Variants in SHANK1 observed in about 807,000 individuals in gnomAD.
The protein encoded by SHANK1 is SH3 and multiple ankyrin repeat domains 1.
A neutral mutation model predicts 165.6 loss-of-function variants in SHANK1; 35 were observed. The ratio of observed to expected loss-of-function variants is 0.21; its 90% confidence interval spans 0.16 to 0.28. SHANK1 has a LOEUF of 0.28. Ranked by LOEUF, SHANK1 falls within the 10% of genes least tolerant of loss-of-function variation. SHANK1 has a pLI of 1.00. For synonymous variants in SHANK1, 1,428 were observed against 1,384.8 expected, an observed-to-expected ratio of 1.03 and a Z score of -0.69; for missense variants, 2,681 against 3,036.4, an observed-to-expected ratio of 0.88 and a Z score of 2.75.
Position 50,659,711 on chromosome 19 carries a change from C to T in SHANK1, c.*2254G>A, listed in dbSNP as rs1985113280. 6.7e-6 allele frequency among the ~76,000 whole-genome samples: 1 copy of T among 148,972 alleles called. No homozygotes were observed. The highest frequency in any genetic ancestry group is 1.5e-5 in the Non-Finnish European group (1 of 67,286). On this transcript the variant is annotated 3_prime_UTR_variant, in exon 24 of 24. Transcript: ENST00000293441. ...TGTTCCTCTTTTTGCTTTTTCTCTC[C>T]TCTCCACCCCGCGCTGTCCCCGCAT...
chr19:50,686,868 G>A lies in SHANK1; in HGVS notation c.2390-56C>T, dbSNP rs896470914. On this transcript the variant is annotated intron_variant, in intron 19 of 23. Transcript: ENST00000293441. This position sits in a 1 kb window ranked among gnomAD's most constrained non-coding sequence, Gnocchi z 5.7. ...GGAGCCCCCGGGGGCGGGGCGGAGC[G>A]GGCTCGGCCTGTGGGCGTGGCCAGC... 5.6e-6 allele frequency: 9 copies of A among 1,600,440 alleles called. No homozygotes were observed. The highest frequency in any genetic ancestry group is 1.3e-5 in the African/African-American group (1 of 74,474).
rs767950625 is a variant in SHANK1 at position 50,716,770 on chromosome 19, G to T, written c.150C>A (p.Ser50Arg). ...CCTGGAGGCCTCTAACAGAGGCCAG[G>T]CTACCAGGTGCCCCACTGCCCTGGC... Reference protein sequence around the residue: ...TRGQGSGAPGSLASVRGLQGR... With the variant: ...TRGQGSGAPGRLASVRGLQGR... Residue 50 changes from serine (S) to arginine (R), a missense_variant, in exon 2 of 24, where the codon AGC becomes AGA. Ser to Arg is a moderately radical substitution (Grantham distance 110). Transcript: ENST00000293441. This position sits in a 1 kb window ranked among gnomAD's most constrained non-coding sequence, Gnocchi z 8.4. 1 of 1,607,874 alleles carries T rather than the reference G, an allele frequency of 6.2e-7. No homozygotes were observed. The highest frequency in any genetic ancestry group is 8.5e-7 in the Non-Finnish European group (1 of 1,177,148).
intron 15 of SHANK1, among the ~76,000 whole-genome samples, chr19:50,695,023 A>T (rs1986687106): frequency 1.4e-5 from 2 of 141,308 alleles, no homozygotes; most frequent in African/African-American, 5.2e-5. Flanking sequence ...CCCGCCGCCG[A>T]CCGCAGACAA....
Position 50,694,465 on chromosome 19 carries a change from C to T in SHANK1, c.1964+2631G>A, listed in dbSNP as rs1008925958. On this transcript the variant is annotated intron_variant, in intron 15 of 23. Coordinates refer to ENST00000293441, the MANE Select transcript of SHANK1 (RefSeq NM_016148.5). Reference sequence around the variant, plus strand: ...GATGTAGGCGGATGCGGGTAAGCCACGGTGGCTCCCCACAGGGAGGGCTCC... The same window carrying T: ...GATGTAGGCGGATGCGGGTAAGCCATGGTGGCTCCCCACAGGGAGGGCTCC... Among the ~76,000 whole-genome samples, 3 of 147,302 alleles carry T rather than the reference C, an allele frequency of 2.0e-5. No individual in the cohort carries two copies. In the Admixed American group the frequency reaches 2.0e-4, roughly 10 times the overall value.
At chr19:50,683,867 A>G (rs1986251048) in intron 21 of SHANK1, among the ~76,000 whole-genome samples, 1 of 152,218 alleles carries the variant, frequency 6.6e-6, no homozygotes, top group Non-Finnish European at 1.5e-5. Context: ...GAATCTGGGA[A>G]TCATGAGGGC....
intron 8 of SHANK1, among the ~76,000 whole-genome samples, chr19:50,708,095 C>T (rs2088967237): frequency 6.6e-6 from 1 of 151,800 alleles, no homozygotes; most frequent in African/African-American, 2.4e-5. Context: ...TACAGGTGCC[C>T]GCCACCATGC....
chr19:50,714,526 C>T (rs2089048259), intron 4 of SHANK1, among the ~76,000 whole-genome samples: 1 of 151,892 alleles, frequency 6.6e-6, no homozygotes, highest in African/African-American at 2.4e-5. Context: ...ACCCTTATCT[C>T]TACAAAAAAT....
Position 50,668,562 on chromosome 19 carries a change from G to A in SHANK1, c.3398C>T (p.Thr1133Met). ...CGGCGGCTGCGGGGAGGCCGGGGAC[G>A]TGGGCGACGGCGCGGGCGGGAGGCC... is the stretch of plus-strand genomic sequence containing the variant. Reference protein sequence around the residue: ...GGGLPPAPSPTSPASPQPPPA... With the variant: ...GGGLPPAPSPMSPASPQPPPA... The change falls in exon 23 of 24, where the codon ACG becomes ATG. Residue 1133 changes from threonine (T) to methionine (M), a missense_variant. Around this residue, in one of 10 missense-constraint regions of SHANK1, gnomAD observed 1,713 missense variants for 1,630.2 expected, o/e 1.05. Coordinates refer to ENST00000293441, the MANE Select transcript of SHANK1 (RefSeq NM_016148.5). The A allele has an allele frequency of 7.4e-7, 1 of 1,347,314 alleles. No individual in the cohort carries two copies. Among genetic ancestry groups the A allele is most frequent in the Non-Finnish European group, 9.5e-7 (1 of 1,048,272 alleles). 83.5% of individuals were successfully genotyped at this position (1,347,314 alleles called of 1,614,324 possible). A position where few individuals can be genotyped will look rare whatever the true frequency, so the allele number is the denominator to read the frequency against.
At chr19:50,665,423 C>G (rs899833635) in intron 23 of SHANK1, among the ~76,000 whole-genome samples, 1 of 151,624 alleles carries the variant, frequency 6.6e-6, no homozygotes, top group Non-Finnish European at 1.5e-5. Flanking sequence ...AAAAATTTGC[C>G]GGGCATGGTG....
At chr19:50,674,868 C>A (rs550560835) in intron 21 of SHANK1, among the ~76,000 whole-genome samples, 2 of 152,100 alleles carry the variant, frequency 1.3e-5, no homozygotes, top group South Asian at 4.1e-4. Flanking sequence ...TCGAAACCAG[C>A]CTGGCCAACA....
chr19:50,668,160 C>G lies in SHANK1; in HGVS notation c.3800G>C (p.Gly1267Ala). The G allele has an allele frequency of 6.8e-7, 1 of 1,461,834 alleles. No homozygotes were observed. The highest frequency in any genetic ancestry group is 9.0e-7 in the Non-Finnish European group (1 of 1,115,220). The allele number at this position is 1,461,834 out of a possible 1,614,324, so 90.6% of individuals were successfully genotyped here. ...FLSTDAGDED[G>A]GDGGLGTGAA... Reference sequence around the variant, plus strand: ...CCCTGTGCCCAGCCCGCCGTCCCCGCCGTCCTCGTCCCCCGCGTCGGTGGA... The same window carrying G: ...CCCTGTGCCCAGCCCGCCGTCCCCGGCGTCCTCGTCCCCCGCGTCGGTGGA... Residue 1267 changes from glycine to alanine, a missense_variant, in exon 23 of 24, where the codon GGC (glycine) becomes GCC (alanine). Physicochemically the swap from Gly to Ala is moderately conservative, Grantham distance 60. Transcript: ENST00000293441.
chr19:50,716,268 G>C lies in SHANK1; in HGVS notation c.459+7C>G. On this transcript the variant is annotated splice_region_variant and intron_variant, in intron 3 of 23. Coordinates refer to ENST00000293441, the MANE Select transcript of SHANK1 (RefSeq NM_016148.5). This position sits in a 1 kb window ranked among gnomAD's most constrained non-coding sequence, Gnocchi z 8.4. ...TCTTATCAGTGAAGGAGTTGGGGAA[G>C]CTTCACCTCCAGGTAGGGGACCCCC... 4 of 1,612,788 alleles carry C rather than the reference G, an allele frequency of 2.5e-6. No homozygotes were observed. Among genetic ancestry groups the C allele is most frequent in the Non-Finnish European group, 3.4e-6 (4 of 1,178,956 alleles).
At chr19:50,703,895 C>T (rs1288723404) in intron 10 of SHANK1, 65 bp from the exon 11 acceptor site, 22 of 677,786 alleles carry the variant, frequency 3.2e-5, no homozygotes, top group South Asian at 2.2e-4. Flanking sequence ...GGGGGCCATG[C>T]GGGGGCAAGA....
chr19:50,672,157 G>T, intron 21 of SHANK1, 43 bp from the exon 22 acceptor site: 2 of 1,489,810 alleles, frequency 1.3e-6, no homozygotes, highest in Non-Finnish European at 1.9e-6. Flanking sequence ...AAAAGATAGA[G>T]AGAGATCAGT....
rs74591763 is a variant in SHANK1, at chr19:50,687,682, A to C, written c.2309-20T>G. 1.5e-3 allele frequency: 2,241 copies of C among 1,468,810 alleles called. 76 individuals are homozygous for C. The East Asian group carries it at 0.053, about 35-fold the overall frequency. 91.0% of individuals were successfully genotyped at this position (1,468,810 alleles called of 1,614,324 possible). ...GGGGTGCTGAAAAGGTGATGAGGGGAGGCATCAGTATCATGGGGGAGATGC... is the reference window on the plus strand; with the variant it reads ...GGGGTGCTGAAAAGGTGATGAGGGGCGGCATCAGTATCATGGGGGAGATGC... On this transcript the variant is annotated intron_variant, in intron 18 of 23. Coordinates refer to ENST00000293441, the MANE Select transcript of SHANK1 (RefSeq NM_016148.5).
rs2089072257 is a variant in SHANK1, at chr19:50,716,585, G to T, written c.255+80C>A. The T allele has an allele frequency of 1.3e-6, 2 of 1,555,738 alleles. No individual in the cohort carries two copies. The highest frequency in any genetic ancestry group is 8.7e-7 in the Non-Finnish European group (1 of 1,145,066). ...TGAGTGTGGGGGTGATTCCTGGGAGGATACCCAGCACCAGTGGACTCCCCA... is the reference window on the plus strand; with the variant it reads ...TGAGTGTGGGGGTGATTCCTGGGAGTATACCCAGCACCAGTGGACTCCCCA... On this transcript the variant is annotated intron_variant, in intron 2 of 23. Transcript: ENST00000293441. This position sits in a 1 kb window ranked among gnomAD's most constrained non-coding sequence, Gnocchi z 8.4.
intron 21 of SHANK1, among the ~76,000 whole-genome samples, chr19:50,684,869 T>C (rs1986285455): frequency 6.6e-6 from 1 of 152,326 alleles, no homozygotes; most frequent in East Asian, 1.9e-4. Context: ...AAAAAGATGA[T>C]ATTATGATAT....
intron 15 of SHANK1, among the ~76,000 whole-genome samples, chr19:50,696,004 G>A (rs1193916656): frequency 3.9e-5 from 6 of 152,226 alleles, no homozygotes; most frequent in Non-Finnish European, 5.9e-5. Context: ...AGCGCAGACA[G>A]GGTCCGGGAA....
At position 50,715,551 on chromosome 19, in the gene SHANK1, T is replaced by C. The variant is rs572381370; in HGVS notation, c.531+108A>G. 2.5e-5 allele frequency: 24 copies of C among 965,440 alleles called. No homozygotes were observed. In the Admixed American group the frequency reaches 2.8e-4, roughly 11 times the overall value. 59.8% of individuals were successfully genotyped at this position (965,440 alleles called of 1,614,324 possible). On this transcript the variant is annotated intron_variant, in intron 4 of 23. Transcript: ENST00000293441. ...GCAGTGGCCAGAGGGATCGCTGGCT[T>C]GGGGAATGTGGAGGTCTATTGGGAA...
Sources: allele counts gnomAD v4.1 joint callset (sites outside exome capture counted in the v4.1 genomes callset), GRCh38; gene constraint gnomAD v4.1.1; regional missense constraint gnomAD v4.1.1; non-coding constraint Gnocchi (gnomAD v3.1); transcripts MANE v1.5; gene names NCBI Gene and HGNC (gene_info 2026-07-23, HGNC 2026-07-21).